CDH4: variants seen among roughly 807,000 people sequenced by gnomAD.
CDH4 encodes the protein cadherin 4.
In CDH4, 33 loss-of-function variants were observed where a neutral mutation model predicts 86.0. The observed-to-expected ratio is 0.38, with a 90% CI of 0.29 to 0.51. The LOEUF is 0.51. CDH4 is among the 20% of genes least tolerant of loss of function. The pLI, the probability that CDH4 is intolerant of heterozygous loss-of-function variation, is 0.86. For missense variants in CDH4, 1,114 were observed against 1,307.4 expected (o/e 0.85, Z 2.28); for synonymous variants, 555 against 549.4 (o/e 1.01, Z -0.14).
intron 2 of CDH4, among the ~76,000 whole-genome samples, chr20:61,579,445 C>G (rs1399026866): frequency 6.6e-6 from 1 of 152,026 alleles, no homozygotes; most frequent in African/African-American, 2.4e-5. Flanking sequence ...CATCACCATG[C>G]CTGGCTGAGT....
intron 2 of CDH4, among the ~76,000 whole-genome samples, chr20:61,416,959 G>C (rs1042370256): frequency 2.0e-5 from 3 of 152,142 alleles, no homozygotes; most frequent in Admixed American, 2.0e-4. Context: ...TGCACATCTC[G>C]GGGGTTCTTC....
chr20:61,857,981 CTGAG>C lies in CDH4; in HGVS notation c.877+5086_877+5089del, dbSNP rs1983104103. Among the ~76,000 whole-genome samples the C allele has an allele frequency of 9.0e-5, 13 of 145,056 alleles. No individual in the cohort carries two copies. The South Asian group carries it at 2.4e-3, about 27-fold the overall frequency. On this transcript the variant is annotated intron_variant, in intron 6 of 15. Transcript: ENST00000614565. Reference sequence around the variant, plus strand: ...TGTGTGTCTCTGTGTGTCTCTGTGTCTGAGTGTGTGTGTCTCTGTGTGTCTCTGT... The same window carrying C: ...TGTGTGTCTCTGTGTGTCTCTGTGTCTGTGTGTGTCTCTGTGTGTCTCTGT...
chr20:61,294,542 G>C (rs1163619903), intron 2 of CDH4, among the ~76,000 whole-genome samples: 1 of 152,224 alleles, frequency 6.6e-6, no homozygotes, highest in Non-Finnish European at 1.5e-5. Flanking sequence ...AAAGGCTGCA[G>C]AACTGGCCCA....
chr20:61,324,309 C>A (rs1190415869), intron 2 of CDH4, among the ~76,000 whole-genome samples: 1 of 152,144 alleles, frequency 6.6e-6, no homozygotes, highest in Non-Finnish European at 1.5e-5. Context: ...TGTCCTGGGG[C>A]TGCCACAACA....
At chr20:61,728,099 C>A (rs1227113990) in intron 2 of CDH4, among the ~76,000 whole-genome samples, 2 of 152,186 alleles carry the variant, frequency 1.3e-5, no homozygotes, top group African/African-American at 4.8e-5. Context: ...AGGCCACCTA[C>A]CCTAGGAGGA....
intron 2 of CDH4, among the ~76,000 whole-genome samples, chr20:61,639,608 A>C (rs1423917148): frequency 6.6e-6 from 1 of 152,218 alleles, no homozygotes; most frequent in Non-Finnish European, 1.5e-5. Context: ...ATTGTGGGGC[A>C]GAAGGGATAC....
chr20:61,585,818 G>C (rs544238579), intron 2 of CDH4, among the ~76,000 whole-genome samples: 1 of 141,136 alleles, frequency 7.1e-6, no homozygotes, highest in African/African-American at 2.8e-5. Flanking sequence ...TCATGCAGAG[G>C]ATGGTGATGA....
Position 61,860,068 on chromosome 20 carries a change from G to A in CDH4, c.877+7170G>A, listed in dbSNP as rs547283457. ...TGCCTCATGGGCGGGGAAGGTCAGG[G>A]GCAGGCGTCTATGTGGCTCCCGGCA... On this transcript the variant is annotated intron_variant, in intron 6 of 15. Transcript: ENST00000614565. Among the ~76,000 whole-genome samples, 69 of 152,364 alleles carry A rather than the reference G, an allele frequency of 4.5e-4. 1 individual carries two copies. Among genetic ancestry groups the A allele is most frequent in the African/African-American group, 1.6e-3 (67 of 41,588 alleles).
At chr20:61,279,495 G>T (rs1394312967) in intron 2 of CDH4, among the ~76,000 whole-genome samples, 2 of 152,124 alleles carry the variant, frequency 1.3e-5, no homozygotes, top group African/African-American at 4.8e-5. Flanking sequence ...TCCTAGGGGT[G>T]GGGGCGGGGC....
intron 2 of CDH4, among the ~76,000 whole-genome samples, chr20:61,459,449 T>A (rs1360191975): frequency 6.6e-6 from 1 of 150,800 alleles, no homozygotes; most frequent in African/African-American, 2.4e-5. Context: ...ATTGGTATTG[T>A]GTAGGGAGCC....
At chr20:61,364,559 CTTGAGG>C (rs1415618718) in intron 2 of CDH4, among the ~76,000 whole-genome samples, 1 of 152,192 alleles carries the variant, frequency 6.6e-6, no homozygotes, top group African/African-American at 2.4e-5. Flanking sequence ...CAAGTGGGAC[CTTGAGG>C]TCCACCTAGC....
At chr20:61,679,333 C>T (rs1252466489) in intron 2 of CDH4, among the ~76,000 whole-genome samples, 1 of 152,162 alleles carries the variant, frequency 6.6e-6, no homozygotes, top group African/African-American at 2.4e-5. Context: ...TTGTCAGGGC[C>T]CCTGGAGGGC....
chr20:61,312,105 ATG>A (rs2084448865), intron 2 of CDH4, among the ~76,000 whole-genome samples: 1 of 138,358 alleles, frequency 7.2e-6, no homozygotes, highest in Non-Finnish European at 1.5e-5. Flanking sequence ...CATGTGTGTG[ATG>A]TGTGGTGTGT....
chr20:61,490,349 C>T (rs771924267), intron 2 of CDH4, among the ~76,000 whole-genome samples: 4 of 152,164 alleles, frequency 2.6e-5, no homozygotes, highest in South Asian at 2.1e-4. Flanking sequence ...CCTGGCTCAG[C>T]AGTGCAAGTC....
chr20:61,747,180 G>A (rs141555628), intron 3 of CDH4, among the ~76,000 whole-genome samples: 4,973 of 152,230 alleles, frequency 0.033, 279 homozygotes, highest in African/African-American at 0.11. Flanking sequence ...GGTGGCTCAC[G>A]CCTGTAATCT....
chr20:61,938,574 G>C lies in CDH4; in HGVS notation c.*1631G>C, dbSNP rs558874182. 6.6e-6 allele frequency: 1 copy of C among 152,454 alleles called. No individual in the cohort carries two copies. The highest frequency in any genetic ancestry group is 2.4e-5 in the African/African-American group (1 of 41,578). The allele number at this position is 152,454 out of a possible 1,614,324, so 9.4% of individuals were successfully genotyped here. ...CGGGCAGGGCGGTGCCAGCACTGGG[G>C]AAGGACAGGGAGCCCTCCCGGAGCC... On this transcript the variant is annotated 3_prime_UTR_variant, in exon 16 of 16. Transcript: ENST00000614565.
At chr20:61,848,510 T>A (rs1483306902) in intron 5 of CDH4, among the ~76,000 whole-genome samples, 1 of 142,046 alleles carries the variant, frequency 7.0e-6, no homozygotes, top group Non-Finnish European at 1.6e-5. Context: ...TACCTAGGAC[T>A]TTTTTTATTG....
intron 2 of CDH4, chr20:61,570,488 C>G (rs566432179): frequency 1.2e-5 from 7 of 583,968 alleles, no homozygotes; most frequent in Non-Finnish European, 2.1e-5. Flanking sequence ...GGGTCTCCCT[C>G]GCAGCCCCTG....
intron 2 of CDH4, among the ~76,000 whole-genome samples, chr20:61,549,039 G>A (rs762658593): frequency 3.3e-5 from 5 of 152,110 alleles, no homozygotes; most frequent in Non-Finnish European, 1.5e-5. Context: ...GGCTCCACGG[G>A]GGCAGGCAGA....
Sources: allele counts gnomAD v4.1 joint callset (sites outside exome capture counted in the v4.1 genomes callset), GRCh38; gene constraint gnomAD v4.1.1; transcripts MANE v1.5; gene names NCBI Gene and HGNC (gene_info 2026-07-23, HGNC 2026-07-21).